The following IQUB variants were observed in gnomAD, a reference collection of about 807,000 sequenced individuals.
IQUB encodes the protein IQ motif and ubiquitin-like domain-containing protein.
Under a neutral mutation model 86.4 loss-of-function variants are expected in IQUB, and 86 were observed. The observed-to-expected ratio is 1.00, with a 90% CI of 0.84 to 1.19. The LOEUF (loss-of-function observed/expected upper bound fraction) is 1.19, where lower values mean the gene tolerates loss of function less well. IQUB is among the 50% of genes most tolerant of loss of function. The pLI is 0.00. For missense variants in IQUB, 946 were observed against 916.9 expected, an observed-to-expected ratio of 1.03 and a Z score of -0.41; for synonymous variants, 289 against 304.5, an observed-to-expected ratio of 0.95 and a Z score of 0.53.
At chr7:123,518,700 T>TCTTTG (rs1239807172) in intron 1 of IQUB, among the ~76,000 whole-genome samples, 1 of 152,088 alleles carries the variant, frequency 6.6e-6, no homozygotes, top group South Asian at 2.1e-4. Context: ...TTCAAGCAAT[T>TCTTTG]CTCCTGCCTC....
intron 3 of IQUB, 73 bp from the exon 4 acceptor site, chr7:123,503,436 T>G: frequency 1.2e-6 from 1 of 810,810 alleles, no homozygotes; most frequent in Admixed American, 2.5e-5. Context: ...ATTTTTTGTT[T>G]TTAATTGACA....
chr7:123,509,494 A>C (rs1796324921), intron 3 of IQUB, among the ~76,000 whole-genome samples: 1 of 152,024 alleles, frequency 6.6e-6, no homozygotes, highest in Admixed American at 6.6e-5. Context: ...AAACTTCCAC[A>C]CTTTCTCACC....
chr7:123,521,681 C>CACACACACACACACACAG (rs533866528), intron 1 of IQUB, among the ~76,000 whole-genome samples: 8 of 151,018 alleles, frequency 5.3e-5, no homozygotes, highest in African/African-American at 2.0e-4. Flanking sequence ...CACACACACA[C>CACACACACACACACACAG]AGAGATCACA....
intron 1 of IQUB, among the ~76,000 whole-genome samples, chr7:123,526,653 A>G (rs1367889107): frequency 2.0e-5 from 3 of 151,120 alleles, no homozygotes; most frequent in African/African-American, 7.3e-5. Context: ...TCTTTATCCA[A>G]TTTGCCAGTC....
chr7:123,474,449 A>G (rs1323763170), intron 8 of IQUB, among the ~76,000 whole-genome samples: 1 of 152,206 alleles, frequency 6.6e-6, no homozygotes, highest in Non-Finnish European at 1.5e-5. Context: ...TAGAGATAAT[A>G]CTAGGCTTGG....
chr7:123,510,158 TG>T, intron 2 of IQUB, 123 bp from the exon 3 acceptor site: 1 of 634,130 alleles, frequency 1.6e-6, no homozygotes, highest in Non-Finnish European at 2.6e-6. Context: ...AAGTTGTTCT[TG>T]CTAGTGTTTC....
intron 6 of IQUB, among the ~76,000 whole-genome samples, chr7:123,500,906 T>A (rs1795914508): frequency 6.6e-6 from 1 of 152,246 alleles, no homozygotes. Flanking sequence ...TCTTTCAATA[T>A]CATTTTTTGG....
intron 1 of IQUB, among the ~76,000 whole-genome samples, chr7:123,520,297 T>C (rs1435396244): frequency 6.6e-6 from 1 of 152,032 alleles, no homozygotes; most frequent in African/African-American, 2.4e-5. Flanking sequence ...TGATCTGCAG[T>C]TTAAAAAAAG....
chr7:123,493,670 G>A (rs117867534), intron 7 of IQUB, among the ~76,000 whole-genome samples: 2,510 of 150,416 alleles, frequency 0.017, 29 homozygotes, highest in Non-Finnish European at 0.025. Context: ...GCTGAATTAC[G>A]TATATCCTAT....
chr7:123,519,654 A>T (rs1453844982), intron 1 of IQUB, among the ~76,000 whole-genome samples: 3 of 152,144 alleles, frequency 2.0e-5, no homozygotes, highest in Non-Finnish European at 2.9e-5. Flanking sequence ...GAAGGGCAGG[A>T]GGGAGGAAGG....
At chr7:123,472,540 A>C (rs1232372359) in intron 8 of IQUB, among the ~76,000 whole-genome samples, 1 of 152,200 alleles carries the variant, frequency 6.6e-6, no homozygotes, top group Non-Finnish European at 1.5e-5. Context: ...GCTATGAAGC[A>C]CTTAACTGGT....
At chr7:123,467,117 T>TAATATA (rs1794299021) in intron 9 of IQUB, among the ~76,000 whole-genome samples, 1 of 149,926 alleles carries the variant, frequency 6.7e-6, no homozygotes, top group African/African-American at 2.5e-5. Flanking sequence ...ATAAATTAAA[T>TAATATA]AAAATAATAT....
rs547553328 is a variant in IQUB at position 123,499,618 on chromosome 7, A to G, written c.1024-2712T>C. Among the ~76,000 whole-genome samples the G allele has an allele frequency of 2.0e-5, 3 of 152,354 alleles. No homozygotes were observed. The East Asian group carries it at 5.8e-4, about 29-fold the overall frequency. Reference sequence around the variant, plus strand: ...CTGACAGCTTCTAGAAAGAGGAAACAAAGAAAGGAGGGGGCAGAAAATGAA... The same window carrying G: ...CTGACAGCTTCTAGAAAGAGGAAACGAAGAAAGGAGGGGGCAGAAAATGAA... On this transcript the variant is annotated intron_variant, in intron 6 of 12. Coordinates refer to ENST00000324698, the MANE Select transcript of IQUB (RefSeq NM_178827.5).
chr7:123,459,817 A>C (rs112927515), intron 11 of IQUB: 37 of 152,116 alleles, frequency 2.4e-4, no homozygotes, highest in African/African-American at 8.9e-4. Context: ...TAATTCCTGA[A>C]TAAAAGTAGC....
intron 12 of IQUB, chr7:123,457,114 AT>A: frequency 1.1e-6 from 1 of 943,668 alleles, no homozygotes; most frequent in South Asian, 4.9e-5. Context: ...CCTTCATGGA[AT>A]TTACCGTGGA....
In IQUB at chr7:123,503,378, A is replaced by T; in HGVS notation, c.533-15T>A. The T allele has an allele frequency of 7.3e-7, 1 of 1,376,038 alleles. No individual in the cohort carries two copies. The highest frequency in any genetic ancestry group is 9.9e-7 in the Non-Finnish European group (1 of 1,005,612). 85.2% of individuals were successfully genotyped at this position (1,376,038 alleles called of 1,614,324 possible). The stretch of plus-strand genomic sequence containing the variant: ...AAGAATTTTTCCTAAAAATTGAAAT[A>T]AAATTTTTAAAAGTTTTATGACAAA... On this transcript the variant is annotated splice_polypyrimidine_tract_variant and intron_variant, in intron 3 of 12. Coordinates refer to ENST00000324698, the MANE Select transcript of IQUB (RefSeq NM_178827.5).
Position 123,457,458 on chromosome 7 carries a change from C to A in IQUB, c.2116G>T (p.Glu706Ter), listed in dbSNP as rs368181401. The A allele has an allele frequency of 6.2e-7, 1 of 1,612,090 alleles. No homozygotes were observed. Among genetic ancestry groups the A allele is most frequent in the Non-Finnish European group, 8.5e-7 (1 of 1,179,084 alleles). Residue 706 changes from glutamate (E) to a stop codon, truncating the protein, a stop_gained, in exon 12 of 13, where the codon GAG (glutamate) becomes TAG (stop). Coordinates refer to ENST00000324698, the MANE Select transcript of IQUB (RefSeq NM_178827.5). LOFTEE classifies it high-confidence loss of function. ...LVMVRWNKSLEWSPWNCILLT... is the reference protein window; with the variant it reads ...LVMVRWNKSL ...AGAATGCAGTTCCAGGGGGACCACT[C>A]CAGGGATTTATTCCATCTGACCATG...
intron 1 of IQUB, among the ~76,000 whole-genome samples, chr7:123,522,360 T>C (rs1299900564): frequency 6.6e-6 from 1 of 152,200 alleles, no homozygotes; most frequent in East Asian, 1.9e-4. Context: ...GTGACTAATT[T>C]ATTAGTTTGT....
chr7:123,493,754 T>C (rs1205786414), intron 7 of IQUB, among the ~76,000 whole-genome samples: 1 of 150,918 alleles, frequency 6.6e-6, no homozygotes. Flanking sequence ...TGTGTGTGTG[T>C]GTGTGTGTGT....
Sources: allele counts gnomAD v4.1 joint callset (sites outside exome capture counted in the v4.1 genomes callset), GRCh38; gene constraint gnomAD v4.1.1; transcripts MANE v1.5; gene names NCBI Gene and HGNC (gene_info 2026-07-23, HGNC 2026-07-21).